The following MAP3K9 variants were observed in gnomAD, a reference collection of about 807,000 sequenced individuals.
MAP3K9 encodes the protein mixed lineage kinase 1 (tyr and ser/thr specificity).
Under a neutral mutation model 95.8 loss-of-function variants are expected in MAP3K9, and 46 were observed. The ratio of observed to expected loss-of-function variants is 0.48; its 90% confidence interval spans 0.38 to 0.61. The LOEUF (loss-of-function observed/expected upper bound fraction) is 0.61. MAP3K9 is among the 20% of genes least tolerant of loss of function. MAP3K9 has a pLI of 0.00. For missense variants in MAP3K9, 1,296 were observed against 1,474.3 expected (o/e 0.88, Z 1.98); for synonymous variants, 533 against 593.8 (o/e 0.90, Z 1.49).
intron 1 of MAP3K9, among the ~76,000 whole-genome samples, chr14:70,805,149 G>A (rs2054976516): frequency 6.6e-6 from 1 of 152,186 alleles, no homozygotes; most frequent in Non-Finnish European, 1.5e-5. Flanking sequence ...CATTTTTAAA[G>A]TCAAGATGTT....
rs201326431 is a variant in MAP3K9, at chr14:70,733,022, G to C, written c.2347C>G (p.Pro783Ala). 1.3e-5 allele frequency: 21 copies of C among 1,614,176 alleles called. No homozygotes were observed. The highest frequency in any genetic ancestry group is 1.8e-5 in the Non-Finnish European group (21 of 1,180,032). ...GKCQLLPLEE[P>A]EPPAREEKKR... ...TTCTCCTCCCGGGCTGGTGGCTCAG[G>C]CTCCTCCAGGGGAAGCAGCTGGCAC... is the stretch of plus-strand genomic sequence containing the variant. Residue 783 changes from proline to alanine, a missense_variant, in exon 11 of 12, where the codon CCT (proline) becomes GCT (alanine). This residue lies in a region of MAP3K9 where 433 missense variants were observed against 441.4 expected (regional missense o/e 0.98). Transcript: ENST00000554752.
rs572010694 is a variant in MAP3K9 at position 70,794,990 on chromosome 14, C to CTTTTTTTTTT, written c.820+5667_820+5676dup. Among the ~76,000 whole-genome samples, 124 of 76,816 alleles carry CTTTTTTTTTT rather than the reference C, an allele frequency of 1.6e-3. 7 individuals are homozygous for CTTTTTTTTTT. The highest frequency in any genetic ancestry group is 2.2e-3 in the Admixed American group (12 of 5,418). The allele number at this position is 76,816 out of a possible 152,430, so 50.4% of individuals were successfully genotyped here. On this transcript the variant is annotated intron_variant, in intron 2 of 11. Coordinates refer to ENST00000554752, the MANE Select transcript of MAP3K9 (RefSeq NM_001284230.2). ...CCGTGACCAGCCTCTTTTTCTTTTC[C>CTTTTTTTTTT]TTTTTTTTTTTTTTTTTTTTTGAGA...
At chr14:70,775,189 T>C (rs2054581914) in intron 2 of MAP3K9, among the ~76,000 whole-genome samples, 1 of 152,036 alleles carries the variant, frequency 6.6e-6, no homozygotes, top group South Asian at 2.1e-4. Flanking sequence ...GCAGCTACTA[T>C]TTTTTTGCAT....
intron 2 of MAP3K9, chr14:70,783,411 C>G: frequency 1.0e-6 from 1 of 985,354 alleles, no homozygotes; most frequent in Non-Finnish European, 1.2e-6. Context: ...TAGAAAGAAG[C>G]TCCCTCATTT....
intron 2 of MAP3K9, among the ~76,000 whole-genome samples, chr14:70,776,513 T>A (rs2139815828): frequency 1.3e-5 from 2 of 152,226 alleles, no homozygotes; most frequent in Middle Eastern, 6.8e-3. Context: ...TATATCCAGA[T>A]AAACTATGAG....
At chr14:70,753,782 C>A (rs7159957) in intron 3 of MAP3K9, among the ~76,000 whole-genome samples, 1 of 152,134 alleles carries the variant, frequency 6.6e-6, no homozygotes, top group Non-Finnish European at 1.5e-5. Flanking sequence ...AACCACCTCC[C>A]GAGGCTTGGT....
At chr14:70,774,378 A>G (rs1181107208) in intron 2 of MAP3K9, among the ~76,000 whole-genome samples, 3 of 152,216 alleles carry the variant, frequency 2.0e-5, no homozygotes, top group Non-Finnish European at 1.5e-5. Context: ...CAAATATTTT[A>G]TATCAGGCTG....
intron 5 of MAP3K9, among the ~76,000 whole-genome samples, chr14:70,747,307 T>G (rs961336205): frequency 6.6e-6 from 1 of 152,178 alleles, no homozygotes; most frequent in Non-Finnish European, 1.5e-5. Flanking sequence ...AATAGTGAGT[T>G]AGTTCTCACG....
At chr14:70,763,633 T>G (rs2054405535) in intron 2 of MAP3K9, among the ~76,000 whole-genome samples, 1 of 151,952 alleles carries the variant, frequency 6.6e-6, no homozygotes. Context: ...TGGGCTCAAG[T>G]GATTCTCCCA....
chr14:70,786,612 T>C (rs1005478942), intron 2 of MAP3K9, among the ~76,000 whole-genome samples: 1 of 152,138 alleles, frequency 6.6e-6, no homozygotes, highest in Non-Finnish European at 1.5e-5. Context: ...ACAGATCCTG[T>C]TTCCACTGTT....
chr14:70,734,387 C>A lies in MAP3K9; in HGVS notation c.2025G>T (p.Met675Ile). Residue 675 changes from methionine to isoleucine, a missense_variant and splice_region_variant, in exon 10 of 12, where the codon ATG becomes ATT. Met to Ile is a conservative substitution (Grantham distance 10, BLOSUM62 1). Coordinates refer to ENST00000554752, the MANE Select transcript of MAP3K9 (RefSeq NM_001284230.2). ...ALPGFTSLME[M>I]EDEDSEGPGS... ...ACTCTCAAGAGGAGCTATGCTTACC[C>A]ATCTCCATAAGGCTGGTGAACCCTG... 6.2e-7 allele frequency: 1 copy of A among 1,608,868 alleles called. No individual in the cohort carries two copies. Among genetic ancestry groups the A allele is most frequent in the Non-Finnish European group, 8.5e-7 (1 of 1,175,180 alleles).
chr14:70,800,002 T>A (rs1381483550), intron 2 of MAP3K9, among the ~76,000 whole-genome samples: 1 of 139,780 alleles, frequency 7.2e-6, no homozygotes, highest in Non-Finnish European at 1.6e-5. Flanking sequence ...AACTCACCAT[T>A]TAATATTTAA....
At position 70,733,048 on chromosome 14, in the gene MAP3K9, T is replaced by C. The variant is rs753220614; in HGVS notation, c.2321A>G (p.Lys774Arg). ...GLGFDLLEAG[K>R]CQLLPLEEPE... ...CTCCTCCAGGGGAAGCAGCTGGCAC[T>C]TGCCAGCTTCCAGCAAGTCAAACCC... is the stretch of plus-strand genomic sequence containing the variant. Residue 774 changes from lysine to arginine, a missense_variant, in exon 11 of 12, where the codon AAG (lysine) becomes AGG (arginine). By Grantham distance (26) the Lys-to-Arg change is conservative. This residue lies in a region of MAP3K9 where 433 missense variants were observed against 441.4 expected (regional missense o/e 0.98). Coordinates refer to ENST00000554752, the MANE Select transcript of MAP3K9 (RefSeq NM_001284230.2). The C allele has an allele frequency of 1.3e-5, 21 of 1,613,970 alleles. No individual in the cohort carries two copies. The highest frequency in any genetic ancestry group is 1.8e-5 in the Non-Finnish European group (21 of 1,179,978).
At chr14:70,756,593 G>A (rs2054302620) in intron 3 of MAP3K9, among the ~76,000 whole-genome samples, 2 of 152,166 alleles carry the variant, frequency 1.3e-5, no homozygotes, top group South Asian at 4.1e-4. Context: ...TACAACTTCT[G>A]GATAGTTTCC....
chr14:70,795,829 G>C (rs1467566762), intron 2 of MAP3K9, among the ~76,000 whole-genome samples: 1 of 150,554 alleles, frequency 6.6e-6, no homozygotes, highest in East Asian at 2.0e-4. Context: ...CACAATCTTA[G>C]CTCACCGCAA....
At chr14:70,741,263 T>C (rs1281705837) in intron 6 of MAP3K9, among the ~76,000 whole-genome samples, 3 of 152,188 alleles carry the variant, frequency 2.0e-5, no homozygotes, top group Non-Finnish European at 4.4e-5. Flanking sequence ...GCTAATTTTG[T>C]ATTTTTAATA....
In MAP3K9 at chr14:70,722,664, A is replaced by C. The variant is rs543799046; in HGVS notation, c.*7716T>G. ...TTGGCATCCCTAGTTAACAATTTAC[A>C]GTACCTCGAAAGAAAAAAAAAAAAA... is the stretch of plus-strand genomic sequence containing the variant. On this transcript the variant is annotated 3_prime_UTR_variant, in exon 12 of 12. Coordinates refer to ENST00000554752, the MANE Select transcript of MAP3K9 (RefSeq NM_001284230.2). The C allele has an allele frequency of 6.6e-6, 1 of 151,686 alleles. No homozygotes were observed. The highest frequency in any genetic ancestry group is 2.1e-4 in the South Asian group (1 of 4,790). The allele number at this position is 151,686 out of a possible 1,614,324, so 9.4% of individuals were successfully genotyped here. A position where few individuals can be genotyped will look rare whatever the true frequency, so the allele number is the denominator to read the frequency against.
intron 3 of MAP3K9, among the ~76,000 whole-genome samples, chr14:70,753,358 T>C (rs1041039244): frequency 1.4e-4 from 21 of 152,212 alleles, no homozygotes; most frequent in African/African-American, 4.6e-4. Context: ...GAAGAAGTCT[T>C]TCTGGGGCTG....
Position 70,808,777 on chromosome 14 carries a change from G to C in MAP3K9, c.395C>G (p.Pro132Arg). The change falls in exon 1 of 12, where the codon CCG (proline) becomes CGG (arginine). Residue 132 changes from proline (P) to arginine (R), a missense_variant. Physicochemically the swap from Pro to Arg is moderately radical, Grantham distance 103. Around this residue, in one of 5 missense-constraint regions of MAP3K9, gnomAD observed 338 missense variants for 363.4 expected, o/e 0.93. Transcript: ENST00000554752. ...QPGGEDPSCY[P>R]PIQLLEIDFA... ...CGCCTTCGCCTTACACTGAATGGGC[G>C]GGTAGCAACTGGGGTCCTCGCCGCC... 2 of 1,572,956 alleles carry C rather than the reference G, an allele frequency of 1.3e-6. No individual in the cohort carries two copies. The highest frequency in any genetic ancestry group is 1.7e-6 in the Non-Finnish European group (2 of 1,163,322).
Sources: gnomAD v4.1 joint callset for allele counts (sites outside exome capture counted in the v4.1 genomes callset) on GRCh38, gnomAD v4.1.1 for gene constraint, gnomAD v4.1.1 regional missense constraint, MANE v1.5 for transcripts, NCBI Gene and HGNC (gene_info 2026-07-23, HGNC 2026-07-21) for gene names.